The following EIF4G3 variants were observed in gnomAD, a reference collection of about 807,000 sequenced individuals.
The protein encoded by EIF4G3 is eIF-4-gamma 3.
EIF4G3 carries 34 observed loss-of-function variants against 186.4 expected under a neutral mutation model. The ratio of observed to expected loss-of-function variants is 0.18; its 90% CI spans 0.14 to 0.24. The LOEUF is 0.24. EIF4G3 is among the 10% of genes least tolerant of loss of function. The pLI is 1.00. For missense variants in EIF4G3, 1,536 were observed against 1,948.5 expected, an observed-to-expected ratio of 0.79 and a Z score of 3.99; for synonymous variants, 673 against 679.5, an observed-to-expected ratio of 0.99 and a Z score of 0.15.
intron 12 of EIF4G3, among the ~76,000 whole-genome samples, chr1:20,955,674 A>G (rs1162062083): frequency 2.6e-4 from 40 of 152,166 alleles, no homozygotes; most frequent in Admixed American, 2.6e-3. Context: ...GGGGGCAGTT[A>G]CTTAATTTTA....
intron 35 of EIF4G3, among the ~76,000 whole-genome samples, 157 bp from the exon 36 acceptor site, chr1:20,811,041 C>T (rs2059135069): frequency 6.6e-6 from 1 of 152,162 alleles, no homozygotes; most frequent in African/African-American, 2.4e-5. Context: ...CCTCCGTCTC[C>T]CAGGTTCAAG....
chr1:21,019,480 A>T (rs1326106276), intron 4 of EIF4G3, among the ~76,000 whole-genome samples: 1 of 152,224 alleles, frequency 6.6e-6, no homozygotes, highest in East Asian at 1.9e-4. Context: ...TAAAATCAAC[A>T]TTTAATAGTC....
At chr1:20,881,172 C>T (rs769360088) in intron 19 of EIF4G3, among the ~76,000 whole-genome samples, 28 of 152,150 alleles carry the variant, frequency 1.8e-4, no homozygotes, top group Admixed American at 5.9e-4. Context: ...AATAGATGCA[C>T]ACATATACGA....
chr1:20,836,489 C>T (rs546813615), intron 30 of EIF4G3, among the ~76,000 whole-genome samples: 1 of 152,296 alleles, frequency 6.6e-6, no homozygotes, highest in Non-Finnish European at 1.5e-5. Context: ...TTAAGCCATC[C>T]TCCCATCTTA....
intron 10 of EIF4G3, 120 bp downstream of exon 10, chr1:20,980,214 C>T (rs1367607787): frequency 1.5e-6 from 1 of 668,790 alleles, no homozygotes; most frequent in African/African-American, 2.0e-5. Flanking sequence ...GAACTGTTAG[C>T]AGCATGTTAT....
intron 7 of EIF4G3, among the ~76,000 whole-genome samples, chr1:20,982,880 G>A (rs76004406): frequency 0.018 from 2,754 of 152,312 alleles, 37 homozygotes; most frequent in Non-Finnish European, 0.028. Flanking sequence ...CTTAATGACA[G>A]AGACTTGCTT....
At chr1:21,081,948 C>CT (rs981259302) in intron 3 of EIF4G3, among the ~76,000 whole-genome samples, 1 of 151,262 alleles carries the variant, frequency 6.6e-6, no homozygotes, top group African/African-American at 2.4e-5. Flanking sequence ...ACAGCCCCAA[C>CT]TTTTTTTTCT....
chr1:20,848,915 C>T (rs774287299), intron 29 of EIF4G3, among the ~76,000 whole-genome samples: 3 of 151,662 alleles, frequency 2.0e-5, no homozygotes, highest in Non-Finnish European at 4.4e-5. Context: ...AGCATGGTGA[C>T]GGGCACCTGT....
At chr1:20,899,972 A>AT (rs764820494) in intron 15 of EIF4G3, 29 bp from the exon 16 acceptor site, 5 of 1,587,078 alleles carry the variant, frequency 3.2e-6, no homozygotes, top group Non-Finnish European at 4.3e-6. Context: ...AAGAGGTTAC[A>AT]TTTTTTTCCA....
chr1:20,893,233 T>C (rs1370995171), intron 18 of EIF4G3: 1 of 228,872 alleles, frequency 4.4e-6, no homozygotes, highest in East Asian at 9.5e-5. Context: ...TCCCTGGCCA[T>C]GGTTGGCACT....
intron 4 of EIF4G3, among the ~76,000 whole-genome samples, chr1:21,011,916 G>A (rs895990664): frequency 2.0e-5 from 3 of 152,084 alleles, no homozygotes; most frequent in Admixed American, 6.5e-5. Context: ...ACTTTTTCTT[G>A]CAATGCCATT....
At chr1:21,082,692 A>C (rs2095826916) in intron 3 of EIF4G3, among the ~76,000 whole-genome samples, 1 of 152,162 alleles carries the variant, frequency 6.6e-6, no homozygotes, top group Admixed American at 6.6e-5. Flanking sequence ...AATTGAAGCC[A>C]GGAGTTTGAG....
rs147449876 is a variant in EIF4G3 at position 20,856,719 on chromosome 1, T to C, written c.3339+684A>G. On this transcript the variant is annotated intron_variant, in intron 25 of 36. Coordinates refer to ENST00000602326, the MANE Select transcript of EIF4G3 (RefSeq NM_001391906.1). Reference sequence around the variant, plus strand: ...TTCATGGTTAGGTTTAAACAGGTGATTGCTTTTTTCCCCAGAGCTACGGAT... The same window carrying C: ...TTCATGGTTAGGTTTAAACAGGTGACTGCTTTTTTCCCCAGAGCTACGGAT... Among the ~76,000 whole-genome samples, 11 of 152,330 alleles carry C rather than the reference T, an allele frequency of 7.2e-5. No homozygotes were observed. The East Asian group carries it at 2.1e-3, about 29-fold the overall frequency.
rs139591429 is a variant in EIF4G3, at chr1:20,853,616, G to C, written c.3495C>G (p.Pro1165=). The part of the protein sequence containing the change: ...NRFSALQPPA[P]SGSTPSTPVE... ...CAGGCGTGGATGGCGTGGACCCTGA[G>C]GGTGCTGGAGGTTGCAGGGCAGAGA... The change falls in exon 27 of 37, where the codon CCC becomes CCG. Residue 1165 remains proline (P), a synonymous_variant. Coordinates refer to ENST00000602326, the MANE Select transcript of EIF4G3 (RefSeq NM_001391906.1). 9.9e-6 allele frequency: 16 copies of C among 1,614,032 alleles called. No homozygotes were observed. The East Asian group carries it at 2.2e-4, about 22-fold the overall frequency.
At chr1:20,867,940 A>C (rs2077969321) in intron 20 of EIF4G3, among the ~76,000 whole-genome samples, 1 of 152,160 alleles carries the variant, frequency 6.6e-6, no homozygotes, top group African/African-American at 2.4e-5. Context: ...TGTATCTCTG[A>C]ATGAATGAAT....
chr1:20,911,877 A>G (rs999201036), intron 14 of EIF4G3, among the ~76,000 whole-genome samples: 3 of 151,914 alleles, frequency 2.0e-5, no homozygotes, highest in African/African-American at 7.3e-5. Context: ...AATTGCAAAC[A>G]CTTCCTCTAC....
chr1:21,114,148 CTT>C (rs760394574), intron 2 of EIF4G3, among the ~76,000 whole-genome samples: 3 of 144,412 alleles, frequency 2.1e-5, no homozygotes, highest in South Asian at 2.2e-4. Context: ...GAAAGCTGTA[CTT>C]TTTTTTTTTT....
At chr1:21,102,866 GA>G (rs988551512) in intron 2 of EIF4G3, among the ~76,000 whole-genome samples, 3 of 151,972 alleles carry the variant, frequency 2.0e-5, no homozygotes, top group African/African-American at 7.3e-5. Flanking sequence ...AATGTCAAGA[GA>G]AAAAAATTAA....
chr1:20,852,171 G>A (rs1414135351), intron 27 of EIF4G3, among the ~76,000 whole-genome samples: 3 of 152,194 alleles, frequency 2.0e-5, no homozygotes, highest in East Asian at 3.9e-4. Context: ...TCAACCTCCT[G>A]AGTAGCTGGG....
Sources: gnomAD v4.1 joint callset for allele counts (sites outside exome capture counted in the v4.1 genomes callset) on GRCh38, gnomAD v4.1.1 for gene constraint, MANE v1.5 for transcripts, NCBI Gene and HGNC (gene_info 2026-07-23, HGNC 2026-07-21) for gene names.